JAKMIP3: variants seen among roughly 807,000 people sequenced by gnomAD.
JAKMIP3 encodes the protein Janus kinase and microtubule interacting protein 3.
A neutral mutation model predicts 118.5 loss-of-function variants in JAKMIP3; 58 were observed. The ratio of observed to expected loss-of-function variants is 0.49; its 90% CI spans 0.40 to 0.61. The LOEUF is 0.61. Among genes scored for constraint, JAKMIP3 ranks in the 20% least tolerant of loss-of-function variants. The pLI is 0.00. For missense variants in JAKMIP3, 950 were observed against 1,109.0 expected, an observed-to-expected ratio of 0.86 and a Z score of 2.04; for synonymous variants, 486 against 451.2, an observed-to-expected ratio of 1.08 and a Z score of -0.98.
chr10:132,166,860 TCTC>T lies in JAKMIP3; in HGVS notation c.2491-118_2491-116del. The T allele has an allele frequency of 5.5e-6, 4 of 725,822 alleles. No individual in the cohort carries two copies. In the South Asian group the frequency reaches 7.2e-5, roughly 13 times the overall value. 45.0% of individuals were successfully genotyped at this position (725,822 alleles called of 1,614,324 possible). On this transcript the variant is annotated intron_variant, in intron 21 of 23. Transcript: ENST00000684848. ...CTCGGCACAGTCCTTAATAGCGTCC[TCTC>T]CTCCCTGCCAACAGCTCTGTCTTCA...
At chr10:132,178,489 T>C (rs1023171818) in intron 23 of JAKMIP3, among the ~76,000 whole-genome samples, 2 of 152,194 alleles carry the variant, frequency 1.3e-5, no homozygotes, top group African/African-American at 4.8e-5. Context: ...TTCTGTTTGG[T>C]TTGAAAATGT....
rs1446832015 is a variant in JAKMIP3, at chr10:132,163,232, G to A, written c.2244G>A (p.Met748Ile). The A allele has an allele frequency of 6.4e-7, 1 of 1,567,972 alleles. No homozygotes were observed. The highest frequency in any genetic ancestry group is 1.3e-5 in the African/African-American group (1 of 74,094). Reference protein sequence around the residue: ...ANKHILELEAMLYDALQQEAG... With the variant: ...ANKHILELEAILYDALQQEAG... ...AGCACATCCTGGAGCTGGAAGCCAT[G>A]CTGTATGATGCCCTGCAGCAGGAGG... is the stretch of plus-strand genomic sequence containing the variant. The change falls in exon 20 of 24, where the codon ATG becomes ATA. Residue 748 changes from methionine (M) to isoleucine (I), a missense_variant. By Grantham distance (10) the Met-to-Ile change is conservative. Transcript: ENST00000684848.
chr10:132,093,160 G>C lies in JAKMIP3; in HGVS notation c.-137-11512G>C, dbSNP rs536141216. On this transcript the variant is annotated intron_variant, in intron 1 of 23. Transcript: ENST00000684848. The stretch of plus-strand genomic sequence containing the variant: ...ATCTCAGAGGGGTGCCCGGCCGTGT[G>C]AGGTGTCAGTCTGCCCTTACTGGGG... 3.3e-5 allele frequency among the ~76,000 whole-genome samples: 5 copies of C among 152,332 alleles called. No homozygotes were observed. In the South Asian group the frequency reaches 1.0e-3, roughly 32 times the overall value.
rs143722443 is a variant in JAKMIP3, at chr10:132,163,340, C to T, written c.2352C>T (p.Val784=). The part of the protein sequence containing the change: ...KVAVEQWKRQ[V]MSELRERDAQ... ...CCGTGGAGCAGTGGAAGCGCCAGGT[C>T]ATGAGTGAGCTGCGCGAGCGGGACG... Residue 784 remains valine (V), a synonymous_variant, in exon 20 of 24, where the codon GTC becomes GTT. Coordinates refer to ENST00000684848, the MANE Select transcript of JAKMIP3 (RefSeq NM_001323087.2). The T allele has an allele frequency of 3.7e-6, 6 of 1,609,874 alleles. No individual in the cohort carries two copies. The highest frequency in any genetic ancestry group is 5.1e-6 in the Non-Finnish European group (6 of 1,179,448).
chr10:132,139,253 T>A (rs2380100), intron 9 of JAKMIP3, among the ~76,000 whole-genome samples: 17,620 of 121,538 alleles, frequency 0.14, 1,354 homozygotes, highest in East Asian at 0.27. Context: ...TGTGTGTATG[T>A]GTGTGTGTGT....
intron 10 of JAKMIP3, 143 bp from the exon 11 acceptor site, chr10:132,141,777 C>T (rs1040605052): frequency 2.2e-6 from 2 of 912,080 alleles, no homozygotes; most frequent in Non-Finnish European, 3.2e-6. Context: ...GGAGCAGGTC[C>T]CCTCCCTCAT....
Position 132,117,530 on chromosome 10 carries a change from A to C in JAKMIP3, c.589A>C (p.Ile197Leu), listed in dbSNP as rs1391324875. 1 of 1,590,228 alleles carries C rather than the reference A, an allele frequency of 6.3e-7. No individual in the cohort carries two copies. The highest frequency in any genetic ancestry group is 1.1e-5 in the South Asian group (1 of 88,690). ...CGTGTACCACCTGCACCAGGAGGAG[A>C]TCACCCGCATCAAGAAGGAGTGCGA... ...RSVYHLHQEEITRIKKECERE... is the reference protein window; with the variant it reads ...RSVYHLHQEELTRIKKECERE... Residue 197 changes from isoleucine to leucine, a missense_variant, in exon 3 of 24, where the codon ATC becomes CTC. Coordinates refer to ENST00000684848, the MANE Select transcript of JAKMIP3 (RefSeq NM_001323087.2). This position sits in a 1 kb window ranked among gnomAD's most constrained non-coding sequence, Gnocchi z 8.6.
chr10:132,071,906 C>CTTCCT (rs1554918129), intron 1 of JAKMIP3, among the ~76,000 whole-genome samples: 3 of 134,252 alleles, frequency 2.2e-5, no homozygotes, highest in East Asian at 2.3e-4. Flanking sequence ...TCTTTCTTCC[C>CTTCCT]TTCCTTCCTT....
At chr10:132,086,427 T>G (rs1280464319) in intron 1 of JAKMIP3, among the ~76,000 whole-genome samples, 1 of 152,216 alleles carries the variant, frequency 6.6e-6, no homozygotes, top group Non-Finnish European at 1.5e-5. Context: ...CTTTCTGTCT[T>G]GATGACCTGT....
intron 11 of JAKMIP3, chr10:132,144,810 T>G (rs1455195837): frequency 3.3e-6 from 1 of 301,328 alleles, no homozygotes; most frequent in Non-Finnish European, 6.2e-6. Context: ...ATACCTGTGG[T>G]CCCAGTTACT....
chr10:132,107,689 C>T (rs1163128752), intron 2 of JAKMIP3, among the ~76,000 whole-genome samples: 5 of 152,210 alleles, frequency 3.3e-5, no homozygotes, highest in African/African-American at 4.8e-5. Flanking sequence ...GTGATCACAG[C>T]GCCTCTTGGA....
intron 23 of JAKMIP3, among the ~76,000 whole-genome samples, chr10:132,172,998 T>C: frequency 2.3e-5 from 1 of 43,096 alleles, no homozygotes; most frequent in Non-Finnish European, 4.6e-5. Context: ...TCTCTCTCCT[T>C]CCCTCTCTCT....
chr10:132,064,890 C>T (rs12257655), upstream of JAKMIP3, among the ~76,000 whole-genome samples: 85,006 of 151,878 alleles, frequency 0.56, 24,535 homozygotes, highest in East Asian at 0.69. This position sits in a 1 kb window ranked among gnomAD's most constrained non-coding sequence, Gnocchi z 4.4. Context: ...CCGGTCTCAG[C>T]TTTGGGGTGA....
intron 21 of JAKMIP3, 115 bp downstream of exon 21, chr10:132,164,850 A>G (rs959873666): frequency 2.7e-6 from 2 of 729,076 alleles, no homozygotes; most frequent in Non-Finnish European, 4.8e-6. Flanking sequence ...CTTCGCTCCC[A>G]ACAGCAGCGG....
chr10:132,167,109 A>G (rs942941220), intron 22 of JAKMIP3, 54 bp downstream of exon 22: 3 of 1,252,812 alleles, frequency 2.4e-6, no homozygotes, highest in Non-Finnish European at 3.4e-6. Context: ...TTCCCGGAAG[A>G]CTCCTCTGCC....
chr10:132,150,906 T>G (rs2056051079), intron 16 of JAKMIP3, among the ~76,000 whole-genome samples: 1 of 151,894 alleles, frequency 6.6e-6, no homozygotes, highest in Non-Finnish European at 1.5e-5. Flanking sequence ...TCATCCTTAA[T>G]CCATCCATTT....
At chr10:132,180,692 CGTGCGTGT>C (rs1269112818) in intron 23 of JAKMIP3, among the ~76,000 whole-genome samples, 139 of 11,266 alleles carry the variant, frequency 0.012, 19 homozygotes, top group African/African-American at 0.04. Context: ...CGTGTGTGTG[CGTGCGTGT>C]GTGTGTGCGC....
intron 1 of JAKMIP3, among the ~76,000 whole-genome samples, chr10:132,068,867 T>C (rs2039360856): frequency 6.6e-6 from 1 of 152,032 alleles, no homozygotes; most frequent in African/African-American, 2.4e-5. Context: ...GGAAACCCTC[T>C]CCTTGGCACA....
At chr10:132,163,849 G>A (rs757310990) in intron 20 of JAKMIP3, among the ~76,000 whole-genome samples, 1 of 152,212 alleles carries the variant, frequency 6.6e-6, no homozygotes, top group Non-Finnish European at 1.5e-5. Flanking sequence ...TTTCCTGATG[G>A]CAAGGATGTT....
Sources: allele counts gnomAD v4.1 joint callset (sites outside exome capture counted in the v4.1 genomes callset), GRCh38; gene constraint gnomAD v4.1.1; non-coding constraint Gnocchi (gnomAD v3.1); transcripts MANE v1.5; gene names NCBI Gene and HGNC (gene_info 2026-07-23, HGNC 2026-07-21).